Variants in ZNF92 observed in about 807,000 individuals in gnomAD.
The protein encoded by ZNF92 is epididymis luminal protein 203.
In ZNF92, 11 loss-of-function variants were observed where a neutral mutation model predicts 12.4. That is an observed-to-expected ratio of 0.89 (90% CI 0.56 to 1.47). ZNF92 has a LOEUF of 1.47. ZNF92 is among the 40% of genes most tolerant of loss of function. ZNF92 has a pLI of 0.00. For missense variants in ZNF92, 622 were observed against 681.0 expected (o/e 0.91, Z 0.96); for synonymous variants, 206 against 228.6 (o/e 0.90, Z 0.89).
chr7:65,396,205 A>G (rs6962418), intron 3 of ZNF92, among the ~76,000 whole-genome samples: 42,246 of 151,824 alleles, frequency 0.28, 7,695 homozygotes, highest in African/African-American at 0.49. Context: ...TTTATTAACT[A>G]GTTTATATTT....
intron 1 of ZNF92, among the ~76,000 whole-genome samples, chr7:65,384,286 A>G (rs543487009): frequency 2.1e-4 from 32 of 151,898 alleles, no homozygotes; most frequent in Admixed American, 1.6e-3. Flanking sequence ...GAACGGAAAT[A>G]CCCCAGTGGC....
chr7:65,374,110 C>A (rs1793168354), intron 1 of ZNF92, 110 bp downstream of exon 1: 1 of 1,460,588 alleles, frequency 6.8e-7, no homozygotes, highest in Non-Finnish European at 9.5e-7. Flanking sequence ...CCGAGATCCG[C>A]GGCCCGAGTT....
In ZNF92 at chr7:65,399,954, T is replaced by C; in HGVS notation, c.*79T>C. ...ATTGGTGCCCTAGAAATGTGAGGAATATGACAAGGACTTTAAATGGTTGTC... is the reference window on the plus strand; with the variant it reads ...ATTGGTGCCCTAGAAATGTGAGGAACATGACAAGGACTTTAAATGGTTGTC... On this transcript the variant is annotated 3_prime_UTR_variant, in exon 4 of 4. Transcript: ENST00000328747. 6 of 1,267,402 alleles carry C rather than the reference T, an allele frequency of 4.7e-6. No individual in the cohort carries two copies. Among genetic ancestry groups the C allele is most frequent in the Non-Finnish European group, 6.5e-6 (6 of 924,000 alleles). The allele number at this position is 1,267,402 out of a possible 1,614,324, so 78.5% of individuals were successfully genotyped here. A position where few individuals can be genotyped will look rare whatever the true frequency, so the allele number is the denominator to read the frequency against.
chr7:65,389,618 G>A (rs557726615), intron 3 of ZNF92, among the ~76,000 whole-genome samples: 1 of 152,114 alleles, frequency 6.6e-6, no homozygotes, highest in Admixed American at 6.5e-5. Flanking sequence ...CTGGGTTCGA[G>A]CAATTCTCCT....
intron 3 of ZNF92, among the ~76,000 whole-genome samples, chr7:65,396,633 T>C (rs576397073): frequency 1.3e-5 from 2 of 152,264 alleles, no homozygotes; most frequent in African/African-American, 4.8e-5. Flanking sequence ...TATGGTTTTA[T>C]GATGCTGTGC....
chr7:65,375,109 C>T (rs1397668643), intron 1 of ZNF92, among the ~76,000 whole-genome samples: 1 of 152,052 alleles, frequency 6.6e-6, no homozygotes, highest in African/African-American at 2.4e-5. Flanking sequence ...AGAATAATCC[C>T]CTAACATTGT....
chr7:65,387,552 A>G (rs1291257065), intron 1 of ZNF92, among the ~76,000 whole-genome samples: 1 of 152,170 alleles, frequency 6.6e-6, no homozygotes, highest in Non-Finnish European at 1.5e-5. Flanking sequence ...TATCATACAC[A>G]TTAAAATTTG....
chr7:65,386,798 C>T lies in ZNF92; in HGVS notation c.4-1104C>T, dbSNP rs567510325. Among the ~76,000 whole-genome samples the T allele has an allele frequency of 4.0e-4, 61 of 152,182 alleles. No homozygotes were observed. In the South Asian group the frequency reaches 0.012, roughly 31 times the overall value. Reference sequence around the variant, plus strand: ...ATCCCAGCAGTGATGCTGTGTCCTTCTGTTCATCAGCACATTATAAAAATT... The same window carrying T: ...ATCCCAGCAGTGATGCTGTGTCCTTTTGTTCATCAGCACATTATAAAAATT... On this transcript the variant is annotated intron_variant, in intron 1 of 3. Coordinates refer to ENST00000328747, the MANE Select transcript of ZNF92 (RefSeq NM_152626.4).
chr7:65,399,981 C>A lies in ZNF92; in HGVS notation c.*106C>A. The stretch of plus-strand genomic sequence containing the variant: ...TGACAAGGACTTTAAATGGTTGTCA[C>A]GCTTGATTGTAGGTAAGATAATTTA... On this transcript the variant is annotated 3_prime_UTR_variant, in exon 4 of 4. Transcript: ENST00000328747. 1.0e-6 allele frequency: 1 copy of A among 1,004,600 alleles called. No homozygotes were observed. Among genetic ancestry groups the A allele is most frequent in the Non-Finnish European group, 1.4e-6 (1 of 710,004 alleles). 62.2% of individuals were successfully genotyped at this position (1,004,600 alleles called of 1,614,324 possible). A position where few individuals can be genotyped will look rare whatever the true frequency, so the allele number is the denominator to read the frequency against.
chr7:65,386,220 G>A (rs879743115), intron 1 of ZNF92, among the ~76,000 whole-genome samples: 3 of 151,790 alleles, frequency 2.0e-5, no homozygotes, highest in African/African-American at 4.8e-5. Flanking sequence ...GGGTTTCACC[G>A]TGTTGACCAG....
At chr7:65,379,916 T>C (rs540436884) in intron 1 of ZNF92, among the ~76,000 whole-genome samples, 1 of 152,252 alleles carries the variant, frequency 6.6e-6, no homozygotes, top group East Asian at 1.9e-4. Flanking sequence ...GATTGTTCTA[T>C]AGGTAAAATT....
chr7:65,398,785 C>G lies in ZNF92; in HGVS notation c.671C>G (p.Thr224Ser), dbSNP rs1319383834. 2 of 1,612,966 alleles carry G rather than the reference C, an allele frequency of 1.2e-6. No individual in the cohort carries two copies. Among genetic ancestry groups the G allele is most frequent in the Non-Finnish European group, 1.7e-6 (2 of 1,179,790 alleles). ...CTTACTAAACATAAGATAATTCATA[C>G]TGGAGAAAAACCCTACAAATGTGAA... ...STLTKHKIIH[T>S]GEKPYKCEEC... Residue 224 changes from threonine (T) to serine (S), a missense_variant, in exon 4 of 4, where the codon ACT becomes AGT. Transcript: ENST00000328747.
At position 65,378,285 on chromosome 7, in the gene ZNF92, C is replaced by A. The variant is rs1263800092; in HGVS notation, c.3+4285C>A. On this transcript the variant is annotated intron_variant, in intron 1 of 3. Coordinates refer to ENST00000328747, the MANE Select transcript of ZNF92 (RefSeq NM_152626.4). ...CTCCAGCCTGGGCAACAGAGCCAGA[C>A]TCTGTCTCAAAAAAAAAAAAATCAG... 1.5e-4 allele frequency among the ~76,000 whole-genome samples: 15 copies of A among 101,330 alleles called. No individual in the cohort carries two copies. The South Asian group carries it at 5.0e-3, about 34-fold the overall frequency. The allele number at this position is 101,330 out of a possible 152,430, so 66.5% of individuals were successfully genotyped here.
intron 3 of ZNF92, among the ~76,000 whole-genome samples, chr7:65,394,308 A>G (rs988702315): frequency 4.7e-5 from 7 of 149,484 alleles, no homozygotes; most frequent in African/African-American, 9.7e-5. Context: ...TGAAGAGACT[A>G]TCTTTCCTCT....
chr7:65,383,615 A>G (rs541295990), intron 1 of ZNF92, among the ~76,000 whole-genome samples: 8 of 152,198 alleles, frequency 5.3e-5, no homozygotes, highest in Non-Finnish European at 1.0e-4. Flanking sequence ...AATGTAAACA[A>G]AGCATCTTAG....
chr7:65,399,783 A>G lies in ZNF92; in HGVS notation c.1669A>G (p.Ile557Val), dbSNP rs1402346676. The stretch of plus-strand genomic sequence containing the variant: ...GTTCTCAACCCTTATTACACATCAG[A>G]TAATTTATACTGGAGAGAAACCCTG... ...NKFSTLITHQ[I>V]IYTGEKPCKH... Residue 557 changes from isoleucine to valine, a missense_variant, in exon 4 of 4, where the codon ATA (isoleucine) becomes GTA (valine). By Grantham distance (29) the Ile-to-Val change is conservative. Coordinates refer to ENST00000328747, the MANE Select transcript of ZNF92 (RefSeq NM_152626.4). 6.2e-7 allele frequency: 1 copy of G among 1,613,478 alleles called. No homozygotes were observed. Among genetic ancestry groups the G allele is most frequent in the Non-Finnish European group, 8.5e-7 (1 of 1,179,654 alleles).
At chr7:65,391,997 T>A (rs1793728165) in intron 3 of ZNF92, among the ~76,000 whole-genome samples, 1 of 152,118 alleles carries the variant, frequency 6.6e-6, no homozygotes. Context: ...TATTAGTGTT[T>A]TTTGTTTAGT....
Position 65,396,322 on chromosome 7 carries a change from TTTTG to T in ZNF92, c.227-2015_227-2012del, listed in dbSNP as rs1793845981. Among the ~76,000 whole-genome samples, 5 of 152,270 alleles carry T rather than the reference TTTTG, an allele frequency of 3.3e-5. No individual in the cohort carries two copies. In the South Asian group the frequency reaches 1.0e-3, roughly 32 times the overall value. On this transcript the variant is annotated intron_variant, in intron 3 of 3. Coordinates refer to ENST00000328747, the MANE Select transcript of ZNF92 (RefSeq NM_152626.4). ...TCATTTCCTGTTTTACTCCTTGAAT[TTTTG>T]TTTAATCTCATAGTGACCTGCTTTA...
intron 1 of ZNF92, among the ~76,000 whole-genome samples, chr7:65,375,489 C>A (rs7799794): frequency 0.072 from 11,013 of 152,048 alleles, 556 homozygotes; most frequent in East Asian, 0.15. Flanking sequence ...TTCACTCAAC[C>A]CAGCTTTCAT....
Sources: allele counts gnomAD v4.1 joint callset (sites outside exome capture counted in the v4.1 genomes callset), GRCh38; gene constraint gnomAD v4.1.1; transcripts MANE v1.5; gene names NCBI Gene and HGNC (gene_info 2026-07-23, HGNC 2026-07-21).